Variants in CDK5RAP1 observed in about 807,000 individuals in gnomAD.
CDK5RAP1 encodes mitochondrial tRNA methylthiotransferase CDK5RAP1.
In CDK5RAP1, 62 loss-of-function variants were observed where a neutral mutation model predicts 64.5. The ratio of observed to expected loss-of-function variants is 0.96; its 90% CI spans 0.78 to 1.19. The LOEUF is 1.19. Among genes scored for constraint, CDK5RAP1 ranks in the 50% most tolerant of loss-of-function variants. The pLI is 0.00. For synonymous variants in CDK5RAP1, 250 were observed against 261.9 expected, an observed-to-expected ratio of 0.95 and a Z score of 0.44; for missense variants, 657 against 735.0, an observed-to-expected ratio of 0.89 and a Z score of 1.23.
At position 33,401,452 on chromosome 20, in the gene CDK5RAP1, G is replaced by T; in HGVS notation, c.-45C>A. The T allele has an allele frequency of 1.0e-6, 1 of 985,470 alleles. No individual in the cohort carries two copies. The highest frequency in any genetic ancestry group is 4.7e-5 in the South Asian group (1 of 21,290). 61.0% of individuals were successfully genotyped at this position (985,470 alleles called of 1,614,324 possible). On this transcript the variant is annotated 5_prime_UTR_variant, in exon 1 of 14. Transcript: ENST00000346416. ...CCTCCCGCAGCAGCAACAGTGCCCG[G>T]GGTCCCGCAGCGTAAGTTCTGCCGG...
At chr20:33,368,732 G>A (rs907007527) in intron 11 of CDK5RAP1, among the ~76,000 whole-genome samples, 1 of 152,004 alleles carries the variant, frequency 6.6e-6, no homozygotes, top group African/African-American at 2.4e-5. Flanking sequence ...TTAGCCAGGC[G>A]TGGTGGCACA....
At position 33,387,360 on chromosome 20, in the gene CDK5RAP1, G is replaced by C. The variant is rs1393467319; in HGVS notation, c.718C>G (p.Pro240Ala). Residue 240 changes from proline to alanine, a missense_variant, in exon 6 of 14, where the codon CCA becomes GCA. Physicochemically the swap from Pro to Ala is conservative, Grantham distance 27. Transcript: ENST00000346416. ...SLDETYADVM[P>A]VQTSASATSA... Reference sequence around the variant, plus strand: ...GTGGCACTGGCGCTTGTCTGGACTGGCATGACATCAGCATAGGTCTCGTCC... The same window carrying C: ...GTGGCACTGGCGCTTGTCTGGACTGCCATGACATCAGCATAGGTCTCGTCC... 2.5e-6 allele frequency: 4 copies of C among 1,613,972 alleles called. No homozygotes were observed. The African/African-American group carries it at 5.3e-5, about 22-fold the overall frequency.
At chr20:33,372,758 T>C in intron 9 of CDK5RAP1, 61 bp from the exon 10 acceptor site, 1 of 1,071,418 alleles carries the variant, frequency 9.3e-7, no homozygotes, top group Non-Finnish European at 1.4e-6. Flanking sequence ...ATGAATGCTA[T>C]AAAAAGATAA....
At chr20:33,392,565 G>A (rs918066589) in intron 4 of CDK5RAP1, among the ~76,000 whole-genome samples, 3 of 151,412 alleles carry the variant, frequency 2.0e-5, no homozygotes, top group Non-Finnish European at 2.9e-5. Flanking sequence ...TGTGGCCCAG[G>A]GAAGTCAAAA....
chr20:33,398,907 C>T (rs148645852), intron 1 of CDK5RAP1, among the ~76,000 whole-genome samples: 3 of 152,164 alleles, frequency 2.0e-5, no homozygotes, highest in African/African-American at 7.2e-5. Flanking sequence ...GCCTGGGTGA[C>T]AGAGTAAGAC....
At chr20:33,394,001 A>G (rs1282169537) in intron 4 of CDK5RAP1, 31 bp downstream of exon 4, 1 of 1,490,242 alleles carries the variant, frequency 6.7e-7, no homozygotes, top group Non-Finnish European at 9.4e-7. Flanking sequence ...CATAAAATAC[A>G]TTCACTCCTA....
At chr20:33,377,745 G>A (rs890246818) in intron 8 of CDK5RAP1, among the ~76,000 whole-genome samples, 12 of 152,056 alleles carry the variant, frequency 7.9e-5, no homozygotes, top group Admixed American at 3.9e-4. Flanking sequence ...TCTGCCTCCC[G>A]GGTTCAAGCA....
At chr20:33,398,022 A>T (rs534152659) in intron 1 of CDK5RAP1, among the ~76,000 whole-genome samples, 1 of 152,230 alleles carries the variant, frequency 6.6e-6, no homozygotes, top group Non-Finnish European at 1.5e-5. Context: ...TCAAACTACT[A>T]CCTTCAAACT....
chr20:33,376,697 T>G (rs1041351748), intron 8 of CDK5RAP1, among the ~76,000 whole-genome samples: 1 of 152,194 alleles, frequency 6.6e-6, no homozygotes, highest in African/African-American at 2.4e-5. Context: ...TTATATAAGA[T>G]CAATTCTTAT....
intron 11 of CDK5RAP1, among the ~76,000 whole-genome samples, chr20:33,369,400 A>T (rs973693160): frequency 1.1e-4 from 16 of 151,698 alleles, no homozygotes; most frequent in African/African-American, 3.6e-4. Context: ...GGAGAATGGC[A>T]TGAACCCGGG....
intron 12 of CDK5RAP1, among the ~76,000 whole-genome samples, chr20:33,362,083 G>C (rs6088192): frequency 6.6e-6 from 1 of 151,902 alleles, no homozygotes. Flanking sequence ...GTGGGTGGAA[G>C]AGGAAGCGGA....
intron 13 of CDK5RAP1, 127 bp downstream of exon 13, chr20:33,360,224 T>C: frequency 2.4e-6 from 2 of 823,068 alleles, no homozygotes; most frequent in South Asian, 1.8e-5. Context: ...TGCCCTTCCA[T>C]TGTACTGGTT....
chr20:33,366,616 A>C (rs1461674209), intron 12 of CDK5RAP1, among the ~76,000 whole-genome samples: 1 of 152,226 alleles, frequency 6.6e-6, no homozygotes, highest in Non-Finnish European at 1.5e-5. Context: ...CGTCTCAAAA[A>C]AAGAAAAGAA....
At chr20:33,393,801 G>T (rs1345150440) in intron 4 of CDK5RAP1, among the ~76,000 whole-genome samples, 1 of 152,106 alleles carries the variant, frequency 6.6e-6, no homozygotes, top group Non-Finnish European at 1.5e-5. Context: ...GGGTTGTTGT[G>T]ATCATTAAAT....
chr20:33,401,070 T>A (rs989688509), intron 1 of CDK5RAP1, among the ~76,000 whole-genome samples: 4 of 152,168 alleles, frequency 2.6e-5, no homozygotes, highest in Admixed American at 6.5e-5. Context: ...GCGTACAACA[T>A]CCCAAACATT....
chr20:33,393,627 G>T (rs894027067), intron 4 of CDK5RAP1, among the ~76,000 whole-genome samples: 16 of 152,008 alleles, frequency 1.1e-4, no homozygotes, highest in Non-Finnish European at 1.9e-4. Flanking sequence ...ACCTCTGATG[G>T]GAGTCACCCA....
In CDK5RAP1 at chr20:33,401,493, C is replaced by G; in HGVS notation, c.-86G>C. ...GTTCTGCCGGCAAGTCGGATCCCCT[C>G]ACAGGTCCGCCGCTGCGTTCATACA... On this transcript the variant is annotated 5_prime_UTR_variant, in exon 1 of 14. The change abolishes the stop of an existing upstream ORF in the 5' untranslated region. Coordinates refer to ENST00000346416, the MANE Select transcript of CDK5RAP1 (RefSeq NM_016408.4). The G allele has an allele frequency of 1.0e-6, 1 of 985,426 alleles. No individual in the cohort carries two copies. Among genetic ancestry groups the G allele is most frequent in the Non-Finnish European group, 1.2e-6 (1 of 829,940 alleles). The allele number at this position is 985,426 out of a possible 1,614,324, so 61.0% of individuals were successfully genotyped here.
At chr20:33,375,866 T>A (rs985379999) in intron 8 of CDK5RAP1, among the ~76,000 whole-genome samples, 2 of 152,282 alleles carry the variant, frequency 1.3e-5, no homozygotes, top group Middle Eastern at 3.4e-3. Flanking sequence ...ATATTTATAT[T>A]TTTTAAATAT....
intron 4 of CDK5RAP1, 23 bp downstream of exon 4, chr20:33,394,009 C>T: frequency 6.5e-7 from 1 of 1,538,288 alleles, no homozygotes; most frequent in South Asian, 1.1e-5. Context: ...ACATTCACTC[C>T]TAGGAAAAGA....
Sources: allele counts gnomAD v4.1 joint callset (sites outside exome capture counted in the v4.1 genomes callset), GRCh38; gene constraint gnomAD v4.1.1; transcripts MANE v1.5; gene names NCBI Gene and HGNC (gene_info 2026-07-23, HGNC 2026-07-21).